Variants in CCDC171 observed in about 807,000 individuals in gnomAD.
CCDC171 encodes the protein coiled-coil domain-containing protein 171.
Under a neutral mutation model 168.2 loss-of-function variants are expected in CCDC171, and 177 were observed. The ratio of observed to expected loss-of-function variants is 1.05; its 90% CI spans 0.93 to 1.19. The LOEUF (loss-of-function observed/expected upper bound fraction) is 1.19. Ranked by LOEUF, CCDC171 falls within the 50% of genes most tolerant of loss-of-function variation. The pLI, the probability that CCDC171 is intolerant of heterozygous loss-of-function variation, is 0.00. For missense variants in CCDC171, 1,991 were observed against 1,539.0 expected (o/e 1.29, Z -4.91); for synonymous variants, 687 against 540.8 (o/e 1.27, Z -3.75).
chr9:15,657,231 A>C lies in CCDC171; in HGVS notation c.915+12A>C. ...CTGAAATTATTCAGGTAAAATGTAA[A>C]CAAATATTTTGGCCTGCATTTTCTT... On this transcript the variant is annotated intron_variant, in intron 8 of 25. Coordinates refer to ENST00000380701, the MANE Select transcript of CCDC171 (RefSeq NM_173550.4). The C allele has an allele frequency of 6.4e-7, 1 of 1,551,728 alleles. No homozygotes were observed. Among genetic ancestry groups the C allele is most frequent in the Non-Finnish European group, 8.9e-7 (1 of 1,126,248 alleles).
chr9:15,586,632 A>C (rs547682391), intron 4 of CCDC171, among the ~76,000 whole-genome samples: 2 of 152,228 alleles, frequency 1.3e-5, no homozygotes, highest in African/African-American at 4.8e-5. Flanking sequence ...AGGTCCTTAG[A>C]TTTCCTTCCA....
At chr9:15,598,106 G>C (rs937906115) in intron 6 of CCDC171, among the ~76,000 whole-genome samples, 2 of 152,016 alleles carry the variant, frequency 1.3e-5, no homozygotes, top group African/African-American at 4.8e-5. Flanking sequence ...CCACCTCCTG[G>C]ATTCATTGAT....
At chr9:15,714,791 A>G (rs557835678) in intron 11 of CCDC171, among the ~76,000 whole-genome samples, 1 of 152,300 alleles carries the variant, frequency 6.6e-6, no homozygotes, top group Non-Finnish European at 1.5e-5. Context: ...TGTTTACTTA[A>G]GTCCTGCTTG....
At chr9:16,098,716 A>G in the CCDC171 span, among the ~76,000 whole-genome samples, 1 of 152,240 alleles carries the variant, frequency 6.6e-6, no homozygotes, top group African/African-American at 2.4e-5. Flanking sequence ...TCAATTCACA[A>G]CCAGTGTTTT....
intron 10 of CCDC171, among the ~76,000 whole-genome samples, chr9:15,681,391 C>G (rs1430029708): frequency 6.6e-6 from 1 of 152,028 alleles, no homozygotes; most frequent in Non-Finnish European, 1.5e-5. Context: ...TTTTTCATCT[C>G]TCTTAAACTC....
chr9:16,074,274 C>T, the CCDC171 span, among the ~76,000 whole-genome samples: 1 of 152,184 alleles, frequency 6.6e-6, no homozygotes, highest in Non-Finnish European at 1.5e-5. Flanking sequence ...CTATCTCCAA[C>T]AGCATTCTCT....
chr9:15,862,521 A>G (rs2061603726), intron 23 of CCDC171, among the ~76,000 whole-genome samples: 1 of 151,368 alleles, frequency 6.6e-6, no homozygotes. Flanking sequence ...ATATATCTCC[A>G]TTTCATTAGT....
At position 16,045,161 on chromosome 9, in the gene CCDC171, T is replaced by C. The variant is rs1564133438; in HGVS notation, n.89+2275T>C. Among the ~76,000 whole-genome samples the C allele has an allele frequency of 1.3e-5, 2 of 152,198 alleles. 1 individual carries two copies. On this transcript the variant is annotated intron_variant and non_coding_transcript_variant, in intron 1 of 1. Transcript: ENST00000478913. ...GAAATAGCCCAATGCAATTCTTGTT[T>C]GGGGGTCCCCAGAAGCACACCCTGA...
At chr9:16,005,974 C>A (rs1433464717) in intron 3 of CCDC171, among the ~76,000 whole-genome samples, 1 of 152,066 alleles carries the variant, frequency 6.6e-6, no homozygotes, top group Non-Finnish European at 1.5e-5. Context: ...ATTCTCCTGC[C>A]TCAGCCTCCT....
chr9:15,678,615 T>C (rs1472652912), intron 9 of CCDC171, 143 bp from the exon 10 acceptor site: 1 of 555,094 alleles, frequency 1.8e-6, no homozygotes, highest in Non-Finnish European at 3.0e-6. Flanking sequence ...CAGTACTTTT[T>C]GTTTGAAAAA....
At chr9:15,636,080 G>C (rs943623542) in intron 7 of CCDC171, among the ~76,000 whole-genome samples, 3 of 151,982 alleles carry the variant, frequency 2.0e-5, no homozygotes, top group Middle Eastern at 3.2e-3. Flanking sequence ...AGGCATTCAT[G>C]TATCTTCTTT....
chr9:15,839,294 T>C (rs9407660), intron 21 of CCDC171, among the ~76,000 whole-genome samples: 76,265 of 151,800 alleles, frequency 0.5, 19,605 homozygotes, highest in Non-Finnish European at 0.56. Flanking sequence ...CTTACTAACT[T>C]TATGGAGTTT....
At chr9:16,053,227 G>A (rs1278258998) in intron 1 of CCDC171, among the ~76,000 whole-genome samples, 2 of 152,232 alleles carry the variant, frequency 1.3e-5, no homozygotes, top group African/African-American at 4.8e-5. Flanking sequence ...AGTGCTCAGG[G>A]GACCTGCCCA....
upstream of CCDC171, among the ~76,000 whole-genome samples, chr9:16,041,398 AT>A (rs1165406629): frequency 6.6e-5 from 10 of 152,200 alleles, no homozygotes; most frequent in Non-Finnish European, 1.3e-4. Context: ...CAAATGGCTC[AT>A]GCAGGAGAAA....
intron 7 of CCDC171, among the ~76,000 whole-genome samples, chr9:15,625,465 C>T: frequency 6.6e-6 from 1 of 152,164 alleles, no homozygotes; most frequent in East Asian, 1.9e-4. Context: ...ACATTTAAGT[C>T]TTTAATCCAT....
chr9:15,991,775 T>C (rs896988395), intron 3 of CCDC171, among the ~76,000 whole-genome samples: 7 of 151,894 alleles, frequency 4.6e-5, no homozygotes, highest in East Asian at 3.9e-4. Context: ...GAAATACAAA[T>C]TACCATCAGA....
chr9:15,665,499 G>A (rs2048669925), intron 8 of CCDC171, among the ~76,000 whole-genome samples: 2 of 152,188 alleles, frequency 1.3e-5, no homozygotes, highest in South Asian at 4.1e-4. Flanking sequence ...TCAAAAACCA[G>A]GCCAGGAGCA....
chr9:15,906,766 A>G (rs892205150), intron 24 of CCDC171, among the ~76,000 whole-genome samples: 2 of 152,182 alleles, frequency 1.3e-5, no homozygotes, highest in Non-Finnish European at 2.9e-5. Context: ...TTGTATATCT[A>G]GAAAACCCCA....
At chr9:15,621,915 T>C (rs1350212630) in intron 6 of CCDC171, among the ~76,000 whole-genome samples, 1 of 152,066 alleles carries the variant, frequency 6.6e-6, no homozygotes, top group African/African-American at 2.4e-5. Flanking sequence ...ATAAAGAAAA[T>C]GTGATATATA....
Sources: allele counts gnomAD v4.1 joint callset (sites outside exome capture counted in the v4.1 genomes callset), GRCh38; gene constraint gnomAD v4.1.1; transcripts MANE v1.5; gene names NCBI Gene and HGNC (gene_info 2026-07-23, HGNC 2026-07-21).